Variants in THSD7A observed in about 807,000 individuals in gnomAD.
The protein encoded by THSD7A is thrombospondin type-1 domain-containing protein 7A.
In THSD7A, 96 loss-of-function variants were observed where a neutral mutation model predicts 231.3. The observed-to-expected ratio is 0.41, with a 90% confidence interval of 0.35 to 0.49. THSD7A has a LOEUF of 0.49. Among genes scored for constraint, THSD7A ranks in the 20% least tolerant of loss-of-function variants. THSD7A has a pLI of 0.05. For synonymous variants in THSD7A, 940 were observed against 743.3 expected, an observed-to-expected ratio of 1.26 and a Z score of -4.30; for missense variants, 2,290 against 2,070.2, an observed-to-expected ratio of 1.11 and a Z score of -2.06.
At chr7:11,824,170 G>A (rs1412722739) in intron 1 of THSD7A, among the ~76,000 whole-genome samples, 1 of 152,012 alleles carries the variant, frequency 6.6e-6, no homozygotes, top group African/African-American at 2.4e-5. Context: ...TCTTGTATTA[G>A]GAAAGATATA....
At chr7:11,730,565 T>C (rs1327661921) in intron 1 of THSD7A, among the ~76,000 whole-genome samples, 1 of 151,706 alleles carries the variant, frequency 6.6e-6, no homozygotes, top group Non-Finnish European at 1.5e-5. Context: ...CATTGCTTTA[T>C]CTTTGGTTGA....
At chr7:11,464,834 T>C (rs116703398) in intron 9 of THSD7A, among the ~76,000 whole-genome samples, 3,418 of 152,264 alleles carry the variant, frequency 0.022, 119 homozygotes, top group African/African-American at 0.078. Context: ...TTTTTACCCA[T>C]TGGCAGGTCT....
chr7:11,693,575 T>G (rs1452351023), intron 1 of THSD7A, among the ~76,000 whole-genome samples: 1 of 151,528 alleles, frequency 6.6e-6, no homozygotes, highest in Non-Finnish European at 1.5e-5. Flanking sequence ...TAACCGTAAG[T>G]AGACACCATC....
chr7:11,754,539 A>G (rs1206057837), intron 1 of THSD7A, among the ~76,000 whole-genome samples: 1 of 152,104 alleles, frequency 6.6e-6, no homozygotes, highest in East Asian at 1.9e-4. Flanking sequence ...TCTTGTCAAG[A>G]TGGTCCCCTT....
At chr7:11,725,767 C>A (rs1011708895) in intron 1 of THSD7A, among the ~76,000 whole-genome samples, 1 of 151,614 alleles carries the variant, frequency 6.6e-6, no homozygotes, top group Non-Finnish European at 1.5e-5. Flanking sequence ...AATGTGGGTG[C>A]AGATCTCTAG....
intron 1 of THSD7A, among the ~76,000 whole-genome samples, chr7:11,706,989 G>A (rs1327976098): frequency 6.6e-6 from 1 of 150,586 alleles, no homozygotes; most frequent in Non-Finnish European, 1.5e-5. Flanking sequence ...ATGAACTGAA[G>A]AGGTAAACTA....
At chr7:11,466,036 T>C (rs1397725794) in intron 9 of THSD7A, among the ~76,000 whole-genome samples, 1 of 152,160 alleles carries the variant, frequency 6.6e-6, no homozygotes, top group Non-Finnish European at 1.5e-5. Context: ...GAAGGCTGAA[T>C]AACATTTCAA....
At chr7:11,817,987 T>C (rs572780852) in intron 1 of THSD7A, among the ~76,000 whole-genome samples, 1 of 152,196 alleles carries the variant, frequency 6.6e-6, no homozygotes, top group East Asian at 1.9e-4. Flanking sequence ...TTGCAACTAA[T>C]CTGGAAATCC....
intron 1 of THSD7A, among the ~76,000 whole-genome samples, chr7:11,759,056 T>A (rs1782775482): frequency 6.6e-6 from 1 of 151,902 alleles, no homozygotes; most frequent in Non-Finnish European, 1.5e-5. Flanking sequence ...ACACAAATTA[T>A]CTCTGGAGAA....
chr7:11,677,206 C>G (rs1783674623), intron 1 of THSD7A, among the ~76,000 whole-genome samples: 1 of 151,956 alleles, frequency 6.6e-6, no homozygotes. Flanking sequence ...CTATTACAGA[C>G]AAGAAAATGC....
At chr7:11,621,874 T>G (rs563651675) in intron 2 of THSD7A, among the ~76,000 whole-genome samples, 2 of 152,202 alleles carry the variant, frequency 1.3e-5, no homozygotes, top group African/African-American at 4.8e-5. Context: ...CAGATTTGTA[T>G]CAGATTTGTT....
intron 1 of THSD7A, among the ~76,000 whole-genome samples, chr7:11,809,635 C>T (rs998411008): frequency 6.6e-6 from 1 of 152,072 alleles, no homozygotes. Flanking sequence ...TTTCAGTAAG[C>T]ATTATTGTAT....
chr7:11,646,350 G>C (rs1782279982), intron 1 of THSD7A, among the ~76,000 whole-genome samples: 1 of 151,972 alleles, frequency 6.6e-6, no homozygotes, highest in South Asian at 2.1e-4. Context: ...GAGTATTTAT[G>C]AAATAAGAAT....
intron 1 of THSD7A, among the ~76,000 whole-genome samples, chr7:11,685,229 T>C (rs1779995472): frequency 6.6e-6 from 1 of 151,814 alleles, no homozygotes; most frequent in Admixed American, 6.6e-5. Flanking sequence ...TAATTTAAGA[T>C]GGATTAAAGA....
At chr7:11,525,738 A>C (rs558493888) in intron 6 of THSD7A, among the ~76,000 whole-genome samples, 1 of 152,308 alleles carries the variant, frequency 6.6e-6, no homozygotes, top group Admixed American at 6.5e-5. Flanking sequence ...AAAAGTGTAC[A>C]ATATGACTTC....
At chr7:11,546,549 A>G (rs1003127120) in intron 4 of THSD7A, among the ~76,000 whole-genome samples, 1 of 152,206 alleles carries the variant, frequency 6.6e-6, no homozygotes, top group Non-Finnish European at 1.5e-5. Context: ...CAAAGAATAT[A>G]AAAGCAATAA....
intron 1 of THSD7A, among the ~76,000 whole-genome samples, chr7:11,822,820 A>G (rs1461064100): frequency 6.6e-6 from 1 of 151,952 alleles, no homozygotes; most frequent in African/African-American, 2.4e-5. Context: ...CATAAACAGT[A>G]TATTACAATA....
intron 1 of THSD7A, among the ~76,000 whole-genome samples, chr7:11,824,372 C>T (rs1784963288): frequency 6.6e-6 from 1 of 152,012 alleles, no homozygotes; most frequent in Non-Finnish European, 1.5e-5. Flanking sequence ...ACTTGTATTC[C>T]TCCTAAAAGG....
intron 2 of THSD7A, among the ~76,000 whole-genome samples, chr7:11,599,303 A>T (rs1371956924): frequency 6.6e-6 from 1 of 152,214 alleles, no homozygotes; most frequent in Non-Finnish European, 1.5e-5. Flanking sequence ...CAGGAAAAAT[A>T]CCACAGACTG....
Sources: allele counts gnomAD v4.1 joint callset (sites outside exome capture counted in the v4.1 genomes callset), GRCh38; gene constraint gnomAD v4.1.1; transcripts MANE v1.5; gene names NCBI Gene and HGNC (gene_info 2026-07-23, HGNC 2026-07-21).